SCLT1: variants seen among roughly 807,000 people sequenced by gnomAD.
The protein encoded by SCLT1 is sodium channel and clathrin linker 1, also known as sodium channel-associated protein 1.
Under a neutral mutation model 112.8 loss-of-function variants are expected in SCLT1, and 78 were observed. The ratio of observed to expected loss-of-function variants is 0.69; its 90% CI spans 0.58 to 0.83. The LOEUF (loss-of-function observed/expected upper bound fraction) is 0.83. SCLT1 is among the 40% of genes least tolerant of loss of function. The probability of loss-of-function intolerance (pLI) is 0.00; values close to 1 mark genes in which losing one functional copy is unlikely to be tolerated. For synonymous variants in SCLT1, 257 were observed against 254.7 expected (o/e 1.01, Z -0.09); for missense variants, 747 against 770.4 (o/e 0.97, Z 0.36).
downstream of SCLT1, among the ~76,000 whole-genome samples, chr4:128,879,592 G>A (rs1177204999): frequency 6.6e-6 from 1 of 152,122 alleles, no homozygotes; most frequent in African/African-American, 2.4e-5. Flanking sequence ...CTTTGGAAAG[G>A]AAATAACACC....
intron 18 of SCLT1, among the ~76,000 whole-genome samples, chr4:128,907,346 C>A (rs949415085): frequency 6.6e-6 from 1 of 152,042 alleles, no homozygotes; most frequent in Non-Finnish European, 1.5e-5. Context: ...TTGCAGTAAT[C>A]CAGGTGAGCA....
At chr4:128,906,259 G>A (rs905597479) in intron 18 of SCLT1, among the ~76,000 whole-genome samples, 8 of 151,956 alleles carry the variant, frequency 5.3e-5, no homozygotes, top group Admixed American at 1.3e-4. Context: ...GTGCAGTGGC[G>A]CGATCTCGGC....
At chr4:128,875,210 A>C (rs1732480245) in intron 4 of SCLT1, 1 of 152,670 alleles carries the variant, frequency 6.6e-6, no homozygotes, top group Admixed American at 6.5e-5. Context: ...TAAATGCTGT[A>C]CATTTTGCAA....
chr4:128,921,600 G>A (rs1036042616), intron 18 of SCLT1, among the ~76,000 whole-genome samples: 6 of 152,090 alleles, frequency 3.9e-5, no homozygotes, highest in Non-Finnish European at 2.9e-5. Context: ...CTGTCCATAT[G>A]TGGAAGACTG....
chr4:129,030,642 C>T (rs1316657776), intron 5 of SCLT1, among the ~76,000 whole-genome samples: 1 of 152,046 alleles, frequency 6.6e-6, no homozygotes, highest in East Asian at 1.9e-4. Flanking sequence ...CACCACTGAT[C>T]CCACAGAAAT....
At chr4:128,944,495 T>C (rs1227802698) in intron 16 of SCLT1, 1 of 152,170 alleles carries the variant, frequency 6.6e-6, no homozygotes. Flanking sequence ...AGGCATGTAG[T>C]GGAGGAAACT....
chr4:129,012,175 A>G (rs1428419768), intron 5 of SCLT1, among the ~76,000 whole-genome samples: 1 of 152,180 alleles, frequency 6.6e-6, no homozygotes, highest in East Asian at 1.9e-4. Flanking sequence ...ACTTAGTGCT[A>G]TAAATTCCCT....
At position 128,891,181 on chromosome 4, in the gene SCLT1, T is replaced by G; in HGVS notation, c.1830-44A>C. The G allele has an allele frequency of 2.2e-6, 3 of 1,392,002 alleles. No homozygotes were observed. The African/African-American group carries it at 4.3e-5, about 20-fold the overall frequency. 86.2% of individuals were successfully genotyped at this position (1,392,002 alleles called of 1,614,324 possible). The stretch of plus-strand genomic sequence containing the variant: ...AATCCATTAATATAATTGTTCCAAA[T>G]AGAAAACAGAATCTTTATTAGCAAG... On this transcript the variant is annotated intron_variant, in intron 18 of 20. Coordinates refer to ENST00000281142, the MANE Select transcript of SCLT1 (RefSeq NM_144643.4).
In SCLT1 at chr4:129,018,470, C is replaced by T. The variant is rs55724439; in HGVS notation, c.291-14594G>A. ...CACAGATGTGTTTTTAAATTCACTG[C>T]TATTTAATTAGAGGTAGGTAAGGTA... On this transcript the variant is annotated intron_variant, in intron 5 of 20. Transcript: ENST00000281142. Among the ~76,000 whole-genome samples, 863 of 152,134 alleles carry T rather than the reference C, an allele frequency of 5.7e-3. 6 individuals carry two copies. Among genetic ancestry groups the T allele is most frequent in the African/African-American group, 0.02 (821 of 41,496 alleles).
intron 18 of SCLT1, among the ~76,000 whole-genome samples, chr4:128,928,598 G>A (rs752538593): frequency 3.9e-5 from 6 of 152,130 alleles, no homozygotes; most frequent in Non-Finnish European, 8.8e-5. Flanking sequence ...TTGGGAGGCC[G>A]AGGCAGGTGG....
intron 2 of SCLT1, among the ~76,000 whole-genome samples, chr4:129,067,982 T>A (rs965455624): frequency 8.5e-5 from 13 of 152,090 alleles, no homozygotes; most frequent in African/African-American, 3.1e-4. Context: ...CTTTCATCCC[T>A]CACCTCCTTG....
At chr4:128,967,080 C>T (rs1308555250) in intron 10 of SCLT1, among the ~76,000 whole-genome samples, 3 of 152,188 alleles carry the variant, frequency 2.0e-5, no homozygotes, top group Non-Finnish European at 4.4e-5. Flanking sequence ...CAATGATTAG[C>T]TCCCACTTGT....
chr4:128,942,247 G>T (rs1338799874), intron 17 of SCLT1, among the ~76,000 whole-genome samples: 1 of 152,010 alleles, frequency 6.6e-6, no homozygotes, highest in Non-Finnish European at 1.5e-5. Flanking sequence ...CATGAATTAG[G>T]TTGGAATATG....
At chr4:128,954,565 G>A (rs754970800) in intron 13 of SCLT1, among the ~76,000 whole-genome samples, 4 of 151,986 alleles carry the variant, frequency 2.6e-5, no homozygotes, top group Non-Finnish European at 5.9e-5. Context: ...TGCCCACCTC[G>A]GCCTCCCAAA....
chr4:129,049,180 C>T (rs1359436480), intron 2 of SCLT1, among the ~76,000 whole-genome samples: 2 of 151,582 alleles, frequency 1.3e-5, no homozygotes, highest in East Asian at 1.9e-4. Context: ...CACATGCACA[C>T]GTATGTTTAC....
chr4:129,053,480 G>A (rs1749023883), intron 2 of SCLT1, among the ~76,000 whole-genome samples: 1 of 142,804 alleles, frequency 7.0e-6, no homozygotes, highest in Admixed American at 7.2e-5. Context: ...TTAACATTAT[G>A]TAATGCCCTT....
rs1395280588 is a variant in SCLT1, at chr4:128,939,326, C to G, written c.1633-2475G>C. 2.4e-4 allele frequency among the ~76,000 whole-genome samples: 37 copies of G among 152,118 alleles called. 1 individual carries two copies. The highest frequency in any genetic ancestry group is 2.4e-3 in the Admixed American group (36 of 15,268). The stretch of plus-strand genomic sequence containing the variant: ...CAGTACGGTTGTCAAAACATATTTG[C>G]AGATTGAATGGTGGCTTTTTGATGT... On this transcript the variant is annotated intron_variant, in intron 17 of 20. Coordinates refer to ENST00000281142, the MANE Select transcript of SCLT1 (RefSeq NM_144643.4).
intron 9 of SCLT1, among the ~76,000 whole-genome samples, chr4:128,991,142 C>T (rs1297324286): frequency 6.6e-6 from 1 of 151,848 alleles, no homozygotes; most frequent in Non-Finnish European, 1.5e-5. Flanking sequence ...GCAAAGAGAA[C>T]AAAGCTAGAG....
intron 14 of SCLT1, 119 bp from the exon 15 acceptor site, chr4:128,948,689 A>G: frequency 1.4e-6 from 1 of 708,716 alleles, no homozygotes; most frequent in South Asian, 2.1e-5. Context: ...GTTTAAGGTT[A>G]TATTGATTAA....
Sources: allele counts gnomAD v4.1 joint callset (sites outside exome capture counted in the v4.1 genomes callset), GRCh38; gene constraint gnomAD v4.1.1; transcripts MANE v1.5; gene names NCBI Gene and HGNC (gene_info 2026-07-23, HGNC 2026-07-21).